TPGS2: variants seen among roughly 807,000 people sequenced by gnomAD.
TPGS2 encodes the protein tubulin polyglutamylase complex subunit 2.
Under a neutral mutation model 31.1 loss-of-function variants are expected in TPGS2, and 26 were observed. The observed-to-expected ratio is 0.84, with a 90% CI of 0.61 to 1.16. The LOEUF is 1.16. Ranked by LOEUF, TPGS2 falls within the 50% of genes most tolerant of loss-of-function variation. The probability of loss-of-function intolerance (pLI) is 0.00; values close to 1 mark genes in which losing one functional copy is unlikely to be tolerated. For missense variants in TPGS2, 351 were observed against 363.8 expected, an observed-to-expected ratio of 0.96 and a Z score of 0.29; for synonymous variants, 130 against 136.6, an observed-to-expected ratio of 0.95 and a Z score of 0.34.
At chr18:36,792,360 G>A (rs565617887), downstream of TPGS2, among the ~76,000 whole-genome samples, 16 of 152,280 alleles carry the variant, frequency 1.1e-4, no homozygotes, top group African/African-American at 2.9e-4. Flanking sequence ...CCTGGATGAT[G>A]GATACATGGG....
At position 36,828,748 on chromosome 18, in the gene TPGS2, G is replaced by A. The variant is rs1556788798; in HGVS notation, c.20C>T (p.Ser7Phe). 4 of 1,613,966 alleles carry A rather than the reference G, an allele frequency of 2.5e-6. No homozygotes were observed. In the East Asian group the frequency reaches 6.7e-5, roughly 27 times the overall value. ...CGGCTTGCTGCAGCCCAGCCCCGGG[G>A]ACGATGCCTCCTCCTCCATGGCTCG... MEEEASSPGLGCSKPHL... is the reference protein window; with the variant it reads MEEEASFPGLGCSKPHL... Residue 7 changes from serine to phenylalanine, a missense_variant, in exon 1 of 7, where the codon TCC (serine) becomes TTC (phenylalanine). Coordinates refer to ENST00000334295, the MANE Select transcript of TPGS2 (RefSeq NM_015476.4).
intron 1 of TPGS2, 91 bp downstream of exon 1, chr18:36,828,592 C>A: frequency 1.4e-6 from 2 of 1,396,684 alleles, no homozygotes; most frequent in Non-Finnish European, 2.0e-6. Context: ...TGTTCTGGGG[C>A]CAGCGTCGCA....
At chr18:36,816,859 G>A (rs1042588997) in intron 2 of TPGS2, among the ~76,000 whole-genome samples, 14 of 152,140 alleles carry the variant, frequency 9.2e-5, no homozygotes, top group Admixed American at 5.2e-4. Context: ...TGCCTGCCTC[G>A]GCTTCCTGAA....
intron 6 of TPGS2, among the ~76,000 whole-genome samples, chr18:36,785,256 G>A (rs1305692770): frequency 6.6e-6 from 1 of 152,146 alleles, no homozygotes; most frequent in African/African-American, 2.4e-5. Context: ...CCGAGATCGC[G>A]CCATTGCACT....
intron 1 of TPGS2, among the ~76,000 whole-genome samples, chr18:36,825,155 G>A (rs1295752268): frequency 1.3e-5 from 2 of 152,086 alleles, no homozygotes; most frequent in Non-Finnish European, 2.9e-5. Flanking sequence ...GAATCAGGCC[G>A]GGCACGGTGG....
At chr18:36,802,869 GC>G (rs1263283077) in intron 4 of TPGS2, among the ~76,000 whole-genome samples, 1 of 151,938 alleles carries the variant, frequency 6.6e-6, no homozygotes, top group East Asian at 1.9e-4. Context: ...CTCATGATTC[GC>G]CCCCCTCGGC....
At chr18:36,820,199 C>T (rs948069305) in intron 1 of TPGS2, among the ~76,000 whole-genome samples, 3 of 152,110 alleles carry the variant, frequency 2.0e-5, no homozygotes, top group African/African-American at 4.8e-5. Flanking sequence ...AGTTGTATGA[C>T]CTTAGATGGG....
At chr18:36,816,402 T>C (rs1021212278) in intron 2 of TPGS2, among the ~76,000 whole-genome samples, 2 of 152,162 alleles carry the variant, frequency 1.3e-5, no homozygotes, top group African/African-American at 4.8e-5. Flanking sequence ...CTGGGATAAA[T>C]GGGTAAAGTC....
chr18:36,809,139 C>T (rs540792036), intron 2 of TPGS2, among the ~76,000 whole-genome samples: 33 of 152,218 alleles, frequency 2.2e-4, no homozygotes, highest in Non-Finnish European at 4.0e-4. Context: ...TTTGAGTTCA[C>T]TTCCCAACTC....
At chr18:36,798,319 AT>A in intron 6 of TPGS2, 129 bp downstream of exon 6, 4 of 1,517,272 alleles carry the variant, frequency 2.6e-6, no homozygotes, top group Non-Finnish European at 3.5e-6. Flanking sequence ...CTTATTGAAA[AT>A]GCAGGTTCCT....
At chr18:36,787,527 C>A (rs551994428) in intron 6 of TPGS2, among the ~76,000 whole-genome samples, 1 of 152,230 alleles carries the variant, frequency 6.6e-6, no homozygotes, top group South Asian at 2.1e-4. Flanking sequence ...TTTTTTAAAT[C>A]GCAATTTTCA....
rs2044444278 is a variant in TPGS2, at chr18:36,794,793, TGTCTCCTA to T, written c.*2004_*2011del. 1.0e-6 allele frequency: 1 copy of T among 983,790 alleles called. No homozygotes were observed. The highest frequency in any genetic ancestry group is 1.8e-5 in the African/African-American group (1 of 56,546). 60.9% of individuals were successfully genotyped at this position (983,790 alleles called of 1,614,324 possible). A position where few individuals can be genotyped will look rare whatever the true frequency, so the allele number is the denominator to read the frequency against. ...ACCTAAACAACTAAAAGGGCCAAAA[TGTCTCCTA>T]GAGAATATGTGACAGTCATGTTATG... is the stretch of plus-strand genomic sequence containing the variant. On this transcript the variant is annotated 3_prime_UTR_variant, in exon 7 of 7. Transcript: ENST00000334295.
chr18:36,818,394 ACT>A (rs2045751159), intron 2 of TPGS2: 1 of 140,782 alleles, frequency 7.1e-6, no homozygotes. Flanking sequence ...ACAGAGCAAG[ACT>A]CTGTCTCAAA....
chr18:36,822,253 A>T (rs551685548), intron 1 of TPGS2, among the ~76,000 whole-genome samples: 49 of 152,340 alleles, frequency 3.2e-4, no homozygotes, highest in South Asian at 8.3e-4. Flanking sequence ...ATATTGTTGA[A>T]TTTCACTATT....
chr18:36,783,049 C>T (rs1273863039), exon 7 of TPGS2: 8 of 398,424 alleles, frequency 2.0e-5, no homozygotes, highest in Middle Eastern at 6.2e-4. Context: ...GCTCTAGAAC[C>T]TTCTGCTCCG....
chr18:36,827,242 A>G (rs2046193457), intron 1 of TPGS2, among the ~76,000 whole-genome samples: 1 of 152,224 alleles, frequency 6.6e-6, no homozygotes, highest in African/African-American at 2.4e-5. Context: ...TAAAAGAGAC[A>G]CAAATTTTAA....
At chr18:36,813,531 AAC>A (rs1289684683) in intron 2 of TPGS2, among the ~76,000 whole-genome samples, 6 of 152,234 alleles carry the variant, frequency 3.9e-5, no homozygotes, top group African/African-American at 2.4e-5. Context: ...GTTTCATTTG[AAC>A]ACAGTCACAC....
downstream of TPGS2, among the ~76,000 whole-genome samples, chr18:36,782,296 T>C (rs148711501): frequency 2.5e-3 from 374 of 152,306 alleles, 1 homozygote; most frequent in African/African-American, 8.7e-3. Context: ...ATTTCTTGCT[T>C]TCAGCTAAGT....
downstream of TPGS2, chr18:36,781,652 A>G: frequency 5.9e-6 from 4 of 677,070 alleles, no homozygotes; most frequent in Non-Finnish European, 7.3e-6. Flanking sequence ...CAAAAAAATA[A>G]AATAGCCTCT....
Sources: allele counts gnomAD v4.1 joint callset (sites outside exome capture counted in the v4.1 genomes callset), GRCh38; gene constraint gnomAD v4.1.1; transcripts MANE v1.5; gene names NCBI Gene and HGNC (gene_info 2026-07-23, HGNC 2026-07-21).